Variants in CFAP96 observed in about 807,000 individuals in gnomAD.
CFAP96 encodes the protein cilia and flagella associated protein 96.
At chr4:185,445,752 T>C in the CFAP96 span, among the ~76,000 whole-genome samples, 11 of 152,234 alleles carry the variant, frequency 7.2e-5, no homozygotes, top group African/African-American at 2.7e-4. Context: ...AAAACAGTAG[T>C]ACATCTTTAA....
the CFAP96 span, chr4:185,413,958 G>A: frequency 8.0e-7 from 1 of 1,244,530 alleles, no homozygotes; most frequent in Non-Finnish European, 1.1e-6. Flanking sequence ...ATTAAACATG[G>A]AAAATTATAT....
At chr4:185,413,564 T>C in the CFAP96 span, among the ~76,000 whole-genome samples, 1 of 152,216 alleles carries the variant, frequency 6.6e-6, no homozygotes, top group Non-Finnish European at 1.5e-5. Flanking sequence ...AGACCATTTT[T>C]AATTACTGCT....
chr4:185,447,239 T>G, the CFAP96 span, among the ~76,000 whole-genome samples: 5 of 151,948 alleles, frequency 3.3e-5, no homozygotes, highest in African/African-American at 1.2e-4. Flanking sequence ...TGGAATGCAG[T>G]GGCACGATCT....
chr4:185,429,709 C>T, the CFAP96 span, among the ~76,000 whole-genome samples: 1 of 152,108 alleles, frequency 6.6e-6, no homozygotes, highest in Non-Finnish European at 1.5e-5. Context: ...ATCTTTGTTA[C>T]CCAGGCTGGA....
chr4:185,443,342 A>ATATTT, the CFAP96 span, among the ~76,000 whole-genome samples: 40 of 26,722 alleles, frequency 1.5e-3, 1 homozygote, highest in African/African-American at 4.5e-3. Flanking sequence ...ATATATATAT[A>ATATTT]TTTTTTTTTT....
At chr4:185,443,773 T>C in the CFAP96 span, among the ~76,000 whole-genome samples, 1 of 152,082 alleles carries the variant, frequency 6.6e-6, no homozygotes, top group Non-Finnish European at 1.5e-5. Flanking sequence ...ATTTAACTTA[T>C]GTATTTCTAT....
At chr4:185,437,375 C>T in the CFAP96 span, among the ~76,000 whole-genome samples, 5 of 152,160 alleles carry the variant, frequency 3.3e-5, no homozygotes, top group African/African-American at 1.2e-4. Flanking sequence ...CATAATTTCA[C>T]AATATCAGCA....
chr4:185,445,452 T>C, the CFAP96 span: 39 of 1,305,260 alleles, frequency 3.0e-5, no homozygotes, highest in Non-Finnish European at 3.8e-5. Context: ...AGCAGTACAA[T>C]TAACATTGGC....
At chr4:185,421,823 TGTTAACTATC>T in the CFAP96 span, among the ~76,000 whole-genome samples, 13 of 152,172 alleles carry the variant, frequency 8.5e-5, no homozygotes, top group Non-Finnish European at 1.9e-4. Flanking sequence ...ATAATGAGGG[TGTTAACTATC>T]ACCCTTCAGA....
chr4:185,418,952 ATCAAAT>A, the CFAP96 span, among the ~76,000 whole-genome samples: 1 of 152,220 alleles, frequency 6.6e-6, no homozygotes, highest in African/African-American at 2.4e-5. Context: ...TTCACAGACC[ATCAAAT>A]TCATTCTTTT....
At chr4:185,436,458 TC>T in the CFAP96 span, 1 of 865,042 alleles carries the variant, frequency 1.2e-6, no homozygotes, top group Non-Finnish European at 1.8e-6. Context: ...ACATCTGTAA[TC>T]CCAGCACTTG....
At chr4:185,434,420 A>G in the CFAP96 span, among the ~76,000 whole-genome samples, 2 of 152,006 alleles carry the variant, frequency 1.3e-5, no homozygotes, top group Non-Finnish European at 2.9e-5. Context: ...TTCATGGAAT[A>G]TGTGAAATAA....
the CFAP96 span, chr4:185,426,149 G>A: frequency 5.8e-6 from 3 of 518,266 alleles, no homozygotes; most frequent in African/African-American, 5.7e-5. Context: ...GTTCTTCGAT[G>A]CGGATTCGAA....
the CFAP96 span, among the ~76,000 whole-genome samples, chr4:185,443,911 C>T: frequency 1.2e-4 from 16 of 132,578 alleles, no homozygotes; most frequent in African/African-American, 4.7e-4. Context: ...AAACTTATAA[C>T]TATATCTTTC....
chr4:185,409,483 C>T, the CFAP96 span, among the ~76,000 whole-genome samples: 22 of 152,052 alleles, frequency 1.4e-4, no homozygotes, highest in Non-Finnish European at 3.2e-4. Context: ...CACCACCATG[C>T]CTGGCTCCAA....
chr4:185,415,849 C>A, the CFAP96 span: 1 of 1,613,064 alleles, frequency 6.2e-7, no homozygotes, highest in South Asian at 1.1e-5. Flanking sequence ...AGCATAAGAT[C>A]TATATTTACT....
chr4:185,432,516 G>T, the CFAP96 span, among the ~76,000 whole-genome samples: 132,473 of 152,174 alleles, frequency 0.87, 58,119 homozygotes, highest in East Asian at 0.99. Flanking sequence ...AAATTGCCTT[G>T]AATTATCATG....
chr4:185,432,202 G>GT, the CFAP96 span: 2 of 1,548,934 alleles, frequency 1.3e-6, no homozygotes, highest in Non-Finnish European at 8.7e-7. Context: ...AGAAAAAGCC[G>GT]TAAGTGTTTT....
the CFAP96 span, chr4:185,436,339 G>A: frequency 1.3e-6 from 2 of 1,549,096 alleles, no homozygotes; most frequent in Non-Finnish European, 1.7e-6. Context: ...CTTCTATGAT[G>A]CAGCAAAACT....
Sources: gnomAD v4.1 joint callset for allele counts (sites outside exome capture counted in the v4.1 genomes callset) on GRCh38, gnomAD v4.1.1 for gene constraint, MANE v1.5 for transcripts, NCBI Gene and HGNC (gene_info 2026-07-23, HGNC 2026-07-21) for gene names.